XXYLT1: variants seen among roughly 807,000 people sequenced by gnomAD.
XXYLT1 encodes the protein UDP-xylose:alpha-xyloside alpha-1,3-xylosyltransferase.
XXYLT1 carries 20 observed loss-of-function variants against 28.9 expected under a neutral mutation model. The ratio of observed to expected loss-of-function variants is 0.69; its 90% CI spans 0.49 to 1.00. XXYLT1 has a LOEUF of 1.00. Among genes scored for constraint, XXYLT1 ranks in the 50% least tolerant of loss-of-function variants. XXYLT1 has a pLI of 0.00. For synonymous variants in XXYLT1, 257 were observed against 253.8 expected (o/e 1.01, Z -0.12); for missense variants, 542 against 560.1 (o/e 0.97, Z 0.33).
chr3:195,234,074 G>A (rs1157132268), intron 1 of XXYLT1, among the ~76,000 whole-genome samples: 3 of 150,136 alleles, frequency 2.0e-5, no homozygotes, highest in East Asian at 2.0e-4. Flanking sequence ...CCGCCACTAC[G>A]CCCAGCTAAT....
At chr3:195,079,921 T>A (rs1446794793) in intron 3 of XXYLT1, among the ~76,000 whole-genome samples, 1 of 151,972 alleles carries the variant, frequency 6.6e-6, no homozygotes, top group East Asian at 1.9e-4. Flanking sequence ...AGGGGAAGTG[T>A]CCCGCTCATC....
intron 1 of XXYLT1, among the ~76,000 whole-genome samples, chr3:195,246,764 T>A (rs766098712): frequency 6.6e-6 from 1 of 152,188 alleles, no homozygotes; most frequent in African/African-American, 2.4e-5. Flanking sequence ...TGTGGCCACA[T>A]GGCCTTCCAG....
intron 1 of XXYLT1, among the ~76,000 whole-genome samples, chr3:195,241,370 C>T (rs1724768185): frequency 2.0e-5 from 3 of 152,202 alleles, no homozygotes; most frequent in South Asian, 4.1e-4. Flanking sequence ...TTGTATCAAA[C>T]GTGTTTCCTT....
intron 3 of XXYLT1, among the ~76,000 whole-genome samples, chr3:195,131,649 T>C (rs1456424094): frequency 6.6e-6 from 1 of 152,194 alleles, no homozygotes; most frequent in African/African-American, 2.4e-5. Context: ...AACCTCCTTC[T>C]GCGAAGACCA....
intron 2 of XXYLT1, among the ~76,000 whole-genome samples, chr3:195,215,810 C>T (rs905598041): frequency 2.0e-5 from 3 of 152,186 alleles, no homozygotes; most frequent in African/African-American, 7.2e-5. Context: ...CTCAGCTCTG[C>T]ACCAAGCGGA....
At position 195,069,899 on chromosome 3, in the gene XXYLT1, A is replaced by G. The variant is rs1339707957; in HGVS notation, c.998T>C (p.Phe333Ser). The change falls in exon 4 of 4, where the codon TTC becomes TCC. Residue 333 changes from phenylalanine (F) to serine (S), a missense_variant. Transcript: ENST00000310380. The stretch of plus-strand genomic sequence containing the variant: ...GTGCTCCATGCCGATCATGGTGAAG[A>G]AGTCCTGGTCCCCGAGGTGGCCGCG... The part of the protein sequence containing the change: ...HFRGHLGDQD[F>S]FTMIGMEHPK... 6.2e-7 allele frequency: 1 copy of G among 1,614,052 alleles called. No homozygotes were observed. Among genetic ancestry groups the G allele is most frequent in the Non-Finnish European group, 8.5e-7 (1 of 1,180,026 alleles).
intron 2 of XXYLT1, among the ~76,000 whole-genome samples, chr3:195,174,981 G>A (rs1414917860): frequency 2.0e-5 from 3 of 152,092 alleles, no homozygotes; most frequent in African/African-American, 7.2e-5. Context: ...AGCTCCATGA[G>A]GGCTTGGATT....
intron 1 of XXYLT1, among the ~76,000 whole-genome samples, chr3:195,258,409 G>C (rs1373372732): frequency 6.6e-6 from 1 of 152,154 alleles, no homozygotes; most frequent in Non-Finnish European, 1.5e-5. Context: ...ATCAGACCAA[G>C]AAAACAAATC....
At chr3:195,218,896 CAA>C (rs1306337503) in intron 2 of XXYLT1, among the ~76,000 whole-genome samples, 3 of 151,908 alleles carry the variant, frequency 2.0e-5, no homozygotes, top group African/African-American at 7.3e-5. Flanking sequence ...TTCACAATAG[CAA>C]AGACTTGGAA....
At chr3:195,103,369 G>GCCTGCGTCCATCACCCCACGCCAGCGA (rs2108679972) in intron 3 of XXYLT1, among the ~76,000 whole-genome samples, 1 of 135,318 alleles carries the variant, frequency 7.4e-6, no homozygotes, top group East Asian at 2.3e-4. Flanking sequence ...CACGCCAGCG[G>GCCTGCGTCCATCACCCCACGCCAGCGA]CCTGCGTCCA....
chr3:195,145,511 C>T (rs1158782155), intron 3 of XXYLT1, among the ~76,000 whole-genome samples: 4 of 129,900 alleles, frequency 3.1e-5, no homozygotes, highest in African/African-American at 6.2e-5. Context: ...GTGACCGGCA[C>T]TGATGGGGCC....
chr3:195,221,076 C>T (rs1000591897), intron 2 of XXYLT1, among the ~76,000 whole-genome samples: 7 of 151,784 alleles, frequency 4.6e-5, no homozygotes, highest in African/African-American at 1.5e-4. Flanking sequence ...CGGCATTCCT[C>T]CCATAACCTC....
intron 3 of XXYLT1, among the ~76,000 whole-genome samples, chr3:195,144,990 G>A (rs1048482180): frequency 1.3e-5 from 2 of 152,040 alleles, no homozygotes; most frequent in Non-Finnish European, 2.9e-5. Flanking sequence ...TTGCTTAGAC[G>A]CAATCTTCCA....
chr3:195,131,698 G>C (rs956230906), intron 3 of XXYLT1, among the ~76,000 whole-genome samples: 2 of 152,214 alleles, frequency 1.3e-5, no homozygotes, highest in Non-Finnish European at 2.9e-5. Context: ...AGGGTGATGA[G>C]GCAGGCAGGA....
At position 195,143,809 on chromosome 3, in the gene XXYLT1, T is replaced by G. The variant is rs868567131; in HGVS notation, c.785+12640A>C. ...TTATATATATATATATAGATAGATATATATAGATATAGATATATATAGATA... is the reference window on the plus strand; with the variant it reads ...TTATATATATATATATAGATAGATAGATATAGATATAGATATATATAGATA... On this transcript the variant is annotated intron_variant, in intron 3 of 3. Coordinates refer to ENST00000310380, the MANE Select transcript of XXYLT1 (RefSeq NM_152531.5). Among the ~76,000 whole-genome samples, 20 of 101,112 alleles carry G rather than the reference T, an allele frequency of 2.0e-4. 2 individuals are homozygous for G. The East Asian group carries it at 4.3e-3, about 22-fold the overall frequency. 66.3% of individuals were successfully genotyped at this position (101,112 alleles called of 152,430 possible).
chr3:195,070,199 T>C (rs2108633718), intron 3 of XXYLT1, 88 bp from the exon 4 acceptor site: 1 of 1,459,446 alleles, frequency 6.9e-7, no homozygotes. Flanking sequence ...CCAGCCTGCA[T>C]GCAAACACTG....
chr3:195,215,877 C>G (rs1487239999), intron 2 of XXYLT1, among the ~76,000 whole-genome samples: 1 of 152,194 alleles, frequency 6.6e-6, no homozygotes, highest in Non-Finnish European at 1.5e-5. Flanking sequence ...ACATTTTTTT[C>G]AGCACCACAC....
chr3:195,162,195 G>A (rs575426633), intron 2 of XXYLT1, among the ~76,000 whole-genome samples: 4 of 152,140 alleles, frequency 2.6e-5, no homozygotes, highest in South Asian at 4.1e-4. Context: ...TCGAAACCCC[G>A]TCTGTTGGGC....
intron 2 of XXYLT1, among the ~76,000 whole-genome samples, chr3:195,189,925 CAAAGAG>C (rs1374064128): frequency 1.3e-5 from 2 of 151,814 alleles, no homozygotes; most frequent in Non-Finnish European, 2.9e-5. Context: ...CTGTGAAAGA[CAAAGAG>C]AAAGAAAAAA....
Sources: gnomAD v4.1 joint callset for allele counts (sites outside exome capture counted in the v4.1 genomes callset) on GRCh38, gnomAD v4.1.1 for gene constraint, MANE v1.5 for transcripts, NCBI Gene and HGNC (gene_info 2026-07-23, HGNC 2026-07-21) for gene names.